Variants in NSD2 observed in about 807,000 individuals in gnomAD.
NSD2 encodes the protein histone-lysine N-methyltransferase NSD2.
Under a neutral mutation model 139.0 loss-of-function variants are expected in NSD2, and 12 were observed. The observed-to-expected ratio is 0.09, with a 90% CI of 0.06 to 0.14. The LOEUF is 0.14. NSD2 is among the 10% of genes least tolerant of loss of function. The pLI is 1.00. For missense variants in NSD2, 1,155 were observed against 1,745.0 expected, an observed-to-expected ratio of 0.66 and a Z score of 6.02; for synonymous variants, 669 against 648.7, an observed-to-expected ratio of 1.03 and a Z score of -0.48.
chr4:1,932,364 G>C (rs775527141), intron 6 of NSD2, among the ~76,000 whole-genome samples: 2 of 150,666 alleles, frequency 1.3e-5, no homozygotes, highest in South Asian at 2.1e-4. Flanking sequence ...TCTTGAACCC[G>C]GGAGGCAGAG....
At chr4:1,907,480 G>C (rs1019922913) in intron 3 of NSD2, among the ~76,000 whole-genome samples, 1 of 151,876 alleles carries the variant, frequency 6.6e-6, no homozygotes, top group East Asian at 1.9e-4. Flanking sequence ...CTTTTTTTGT[G>C]TATGTGTGAA....
intron 4 of NSD2, 40 bp from the exon 5 acceptor site, chr4:1,918,101 T>G: frequency 6.3e-7 from 1 of 1,584,600 alleles, no homozygotes; most frequent in Non-Finnish European, 8.6e-7. Context: ...CTTTTATGTT[T>G]GTGTAGTGAA....
chr4:1,975,183 G>C (rs770290363), intron 19 of NSD2, 111 bp from the exon 20 acceptor site: 112 of 1,403,178 alleles, frequency 8.0e-5, no homozygotes, highest in Non-Finnish European at 1.1e-4. Flanking sequence ...GGTCAAGCCA[G>C]TACAGATACA....
Position 1,979,364 on chromosome 4 carries a change from G to C in NSD2, c.*455G>C, listed in dbSNP as rs907392711. ...ACTCGGGAGAGGCTGGGTGAGGCCC[G>C]TGTGAGGACTGACCCTGGATTCCTC... On this transcript the variant is annotated 3_prime_UTR_variant, in exon 22 of 22. Coordinates refer to ENST00000508803, the MANE Select transcript of NSD2 (RefSeq NM_001042424.3). 1 of 237,548 alleles carries C rather than the reference G, an allele frequency of 4.2e-6. No individual in the cohort carries two copies. Among genetic ancestry groups the C allele is most frequent in the Non-Finnish European group, 8.2e-6 (1 of 121,360 alleles). 14.7% of individuals were successfully genotyped at this position (237,548 alleles called of 1,614,324 possible). A position where few individuals can be genotyped will look rare whatever the true frequency, so the allele number is the denominator to read the frequency against.
At chr4:1,896,158 TC>T (rs1716267136) in intron 1 of NSD2, among the ~76,000 whole-genome samples, 1 of 152,206 alleles carries the variant, frequency 6.6e-6, no homozygotes, top group Non-Finnish European at 1.5e-5. Context: ...GTGCTCCTAA[TC>T]ACGGCAGCCA....
At chr4:1,890,335 G>T (rs1161171476) in intron 1 of NSD2, among the ~76,000 whole-genome samples, 2 of 151,422 alleles carry the variant, frequency 1.3e-5, no homozygotes, top group Non-Finnish European at 1.5e-5. Context: ...GTCTCGCTCT[G>T]TCGCCTAGGC....
chr4:1,974,709 TG>T lies in NSD2; in HGVS notation c.3373-149del. On this transcript the variant is annotated intron_variant, in intron 18 of 21. Transcript: ENST00000508803. This position sits in a 1 kb window ranked among gnomAD's most constrained non-coding sequence, Gnocchi z 4.0. ...GTGAGCAAGAGAAACAGGACTGGTTTGGGGGTGTCCTGTCTCAGTGGACACA... is the reference window on the plus strand; with the variant it reads ...GTGAGCAAGAGAAACAGGACTGGTTTGGGGTGTCCTGTCTCAGTGGACACA... The T allele has an allele frequency of 9.5e-7, 1 of 1,048,904 alleles. No individual in the cohort carries two copies. Among genetic ancestry groups the T allele is most frequent in the Non-Finnish European group, 1.5e-6 (1 of 677,436 alleles). 65.0% of individuals were successfully genotyped at this position (1,048,904 alleles called of 1,614,324 possible).
chr4:1,951,446 A>C (rs1176978727), intron 10 of NSD2, among the ~76,000 whole-genome samples: 2 of 2,378 alleles, frequency 8.4e-4, no homozygotes, highest in Admixed American at 8.5e-3. Flanking sequence ...CATGTAATAC[A>C]CACACACACA....
At position 1,918,539 on chromosome 4, in the gene NSD2, G is replaced by A; in HGVS notation, c.1326G>A (p.Lys442=). 1 of 1,613,916 alleles carries A rather than the reference G, an allele frequency of 6.2e-7. No individual in the cohort carries two copies. The highest frequency in any genetic ancestry group is 8.5e-7 in the Non-Finnish European group (1 of 1,179,962). The part of the protein sequence containing the change: ...RRGVGSPPGR[K]KTTVSMPRSR... ...GAGTAGGGTCTCCTCCTGGGAGGAA[G>A]AAGACCACAGTCTCCATGCCACGAA... Residue 442 remains lysine (K), a synonymous_variant, in exon 5 of 22, where the codon AAG becomes AAA. Coordinates refer to ENST00000508803, the MANE Select transcript of NSD2 (RefSeq NM_001042424.3).
intron 7 of NSD2, among the ~76,000 whole-genome samples, chr4:1,935,504 A>G (rs1722285008): frequency 6.6e-6 from 1 of 152,232 alleles, no homozygotes; most frequent in African/African-American, 2.4e-5. Context: ...TCTGCAAGAA[A>G]ACAGACATCC....
chr4:1,900,317 A>G lies in NSD2; in HGVS notation c.-29-309A>G, dbSNP rs138501055. 5.4e-3 allele frequency among the ~76,000 whole-genome samples: 824 copies of G among 152,328 alleles called. 5 individuals carry two copies. Among genetic ancestry groups the G allele is most frequent in the African/African-American group, 0.019 (793 of 41,584 alleles). ...ATCTGTGTTTCAGGGATGATTGGCA[A>G]GTTAAGTTATGTGTCCATGGCCACA... On this transcript the variant is annotated intron_variant, in intron 1 of 21. Transcript: ENST00000508803.
At chr4:1,874,046 C>CTGGGCAAG (rs1714070370) in intron 1 of NSD2, among the ~76,000 whole-genome samples, 1 of 152,216 alleles carries the variant, frequency 6.6e-6, no homozygotes, top group African/African-American at 2.4e-5. Context: ...TCCTTTTTAG[C>CTGGGCAAG]TGGGCAAGTG....
In NSD2 at chr4:1,904,304, A is replaced by G; in HGVS notation, c.686A>G (p.Lys229Arg). The change falls in exon 3 of 22, where the codon AAA (lysine) becomes AGA (arginine). Residue 229 changes from lysine to arginine, a missense_variant. By Grantham distance (26) the Lys-to-Arg change is conservative. This residue lies in a region of NSD2 where 34 missense variants were observed against 75.2 expected (regional missense o/e 0.45). Coordinates refer to ENST00000508803, the MANE Select transcript of NSD2 (RefSeq NM_001042424.3). ...AACGTTGGTGATTTGGTGTGGTCCA[A>G]AGTGTCGGGTTACCCTTGGTGGCCT... is the stretch of plus-strand genomic sequence containing the variant. ...KYNVGDLVWS[K>R]VSGYPWWPCM... is the part of the protein sequence containing the mutation. The G allele has an allele frequency of 6.2e-7, 1 of 1,614,192 alleles. No individual in the cohort carries two copies. Among genetic ancestry groups the G allele is most frequent in the Admixed American group, 1.7e-5 (1 of 60,026 alleles).
intron 5 of NSD2, among the ~76,000 whole-genome samples, chr4:1,920,415 C>T (rs1719966079): frequency 6.6e-6 from 1 of 152,176 alleles, no homozygotes; most frequent in African/African-American, 2.4e-5. Flanking sequence ...TGCACTCCAG[C>T]CTGGGTAATC....
Position 1,974,698 on chromosome 4 carries a change from C to G in NSD2, c.3373-165C>G. Reference sequence around the variant, plus strand: ...ACCTGTCCTCTGTGAGCAAGAGAAACAGGACTGGTTTGGGGGTGTCCTGTC... The same window carrying G: ...ACCTGTCCTCTGTGAGCAAGAGAAAGAGGACTGGTTTGGGGGTGTCCTGTC... On this transcript the variant is annotated intron_variant, in intron 18 of 21. Coordinates refer to ENST00000508803, the MANE Select transcript of NSD2 (RefSeq NM_001042424.3). The surrounding 1 kb of genome is among the most constrained non-coding windows in gnomAD (Gnocchi z 4.0). 1 of 984,846 alleles carries G rather than the reference C, an allele frequency of 1.0e-6. No homozygotes were observed. The highest frequency in any genetic ancestry group is 1.6e-5 in the African/African-American group (1 of 63,034). The allele number at this position is 984,846 out of a possible 1,614,324, so 61.0% of individuals were successfully genotyped here.
chr4:1,900,687 T>C lies in NSD2; in HGVS notation c.33T>C (p.Ser11=). 6.2e-7 allele frequency: 1 copy of C among 1,603,704 alleles called. No individual in the cohort carries two copies. Among genetic ancestry groups the C allele is most frequent in the Non-Finnish European group, 8.5e-7 (1 of 1,173,714 alleles). MEFSIKQSPL[S]VQSVVKCIKM... Reference sequence around the variant, plus strand: ...TTAGCATCAAGCAGAGTCCCCTTTCTGTTCAGAGTGTTGTAAAGTGCATAA... The same window carrying C: ...TTAGCATCAAGCAGAGTCCCCTTTCCGTTCAGAGTGTTGTAAAGTGCATAA... The change falls in exon 2 of 22, where the codon TCT becomes TCC. Residue 11 remains serine (S), a synonymous_variant. Coordinates refer to ENST00000508803, the MANE Select transcript of NSD2 (RefSeq NM_001042424.3).
Position 1,948,741 on chromosome 4 carries a change from A to T in NSD2, c.1882-2331A>T. Reference sequence around the variant, plus strand: ...TATTTCCTCAAAACAGACTTTGTTAATGTAGGAAATCTCTCCAAGTGGAAA... The same window carrying T: ...TATTTCCTCAAAACAGACTTTGTTATTGTAGGAAATCTCTCCAAGTGGAAA... On this transcript the variant is annotated intron_variant, in intron 9 of 21. Coordinates refer to ENST00000508803, the MANE Select transcript of NSD2 (RefSeq NM_001042424.3). This position sits in a 1 kb window ranked among gnomAD's most constrained non-coding sequence, Gnocchi z 4.5. 1 of 1,049,270 alleles carries T rather than the reference A, an allele frequency of 9.5e-7. No individual in the cohort carries two copies. Among genetic ancestry groups the T allele is most frequent in the Non-Finnish European group, 1.2e-6 (1 of 868,214 alleles). 65.0% of individuals were successfully genotyped at this position (1,049,270 alleles called of 1,614,324 possible). A position where few individuals can be genotyped will look rare whatever the true frequency, so the allele number is the denominator to read the frequency against.
intron 9 of NSD2, chr4:1,940,062 G>C: frequency 7.8e-7 from 1 of 1,289,414 alleles, no homozygotes. Context: ...AAATCTGTCT[G>C]AAGAATGTTG....
chr4:1,946,606 A>G, intron 9 of NSD2: 1 of 1,027,820 alleles, frequency 9.7e-7, no homozygotes, highest in Non-Finnish European at 1.2e-6. Flanking sequence ...TCTGATTCAT[A>G]TTTTAGGACT....
Sources: allele counts gnomAD v4.1 joint callset (sites outside exome capture counted in the v4.1 genomes callset), GRCh38; gene constraint gnomAD v4.1.1; regional missense constraint gnomAD v4.1.1; non-coding constraint Gnocchi (gnomAD v3.1); transcripts MANE v1.5; gene names NCBI Gene and HGNC (gene_info 2026-07-23, HGNC 2026-07-21).